Variants in ST18 observed in about 807,000 individuals in gnomAD.
ST18 encodes the protein ST18 C2H2C-type zinc finger transcription factor, also known as suppression of tumorigenicity 18 protein.
In ST18, 50 loss-of-function variants were observed where a neutral mutation model predicts 110.0. The ratio of observed to expected loss-of-function variants is 0.45; its 90% confidence interval spans 0.36 to 0.58. ST18 has a LOEUF of 0.58. Among genes scored for constraint, ST18 ranks in the 20% least tolerant of loss-of-function variants. ST18 has a pLI of 0.00. For synonymous variants in ST18, 461 were observed against 452.4 expected (o/e 1.02, Z -0.24); for missense variants, 1,306 against 1,280.1 (o/e 1.02, Z -0.31).
rs557273283 is a variant in ST18, at chr8:52,172,560, C to T, written c.301G>A (p.Asp101Asn). 2 of 1,584,378 alleles carry T rather than the reference C, an allele frequency of 1.3e-6. No homozygotes were observed. Among genetic ancestry groups the T allele is most frequent in the South Asian group, 2.4e-5 (2 of 84,972 alleles). ...TAEEIMIKPMDESLLSTAQEN... is the reference protein window; with the variant it reads ...TAEEIMIKPMNESLLSTAQEN... ...TGTGCAGTTGAAAGAAGACTTTCATCCATAGGTTTTATCATGATTTCCTCT... is the reference window on the plus strand; with the variant it reads ...TGTGCAGTTGAAAGAAGACTTTCATTCATAGGTTTTATCATGATTTCCTCT... The change falls in exon 10 of 26, where the codon GAT (aspartate) becomes AAT (asparagine). Residue 101 changes from aspartate (D) to asparagine (N), a missense_variant. Transcript: ENST00000689386.
intron 8 of ST18, among the ~76,000 whole-genome samples, chr8:52,182,185 A>T (rs978339058): frequency 1.3e-5 from 2 of 152,224 alleles, no homozygotes; most frequent in Non-Finnish European, 2.9e-5. Context: ...TTGAAGCATA[A>T]CATTGGTATT....
In ST18 at chr8:52,376,939, TA is replaced by T. The variant is rs1832635160; in HGVS notation, c.-465+32388del. Reference sequence around the variant, plus strand: ...CCTTATTAAGTACTTAAAATGCAGCTAAACTCTGTTCCCAACTAATTAAATG... The same window carrying T: ...CCTTATTAAGTACTTAAAATGCAGCTAACTCTGTTCCCAACTAATTAAATG... On this transcript the variant is annotated intron_variant, in intron 2 of 25. Transcript: ENST00000689386. 1.3e-5 allele frequency among the ~76,000 whole-genome samples: 2 copies of T among 152,214 alleles called. 1 individual carries two copies. Among genetic ancestry groups the T allele is most frequent in the South Asian group, 4.1e-4 (2 of 4,832 alleles).
At chr8:52,182,418 A>G (rs867550166) in intron 8 of ST18, among the ~76,000 whole-genome samples, 1 of 152,242 alleles carries the variant, frequency 6.6e-6, no homozygotes, top group Middle Eastern at 3.2e-3. Flanking sequence ...AATAATTGAC[A>G]AATTGATATG....
chr8:52,204,137 C>A (rs765568768), intron 8 of ST18, among the ~76,000 whole-genome samples: 4 of 152,134 alleles, frequency 2.6e-5, no homozygotes, highest in African/African-American at 9.7e-5. Context: ...GTGCATTTTG[C>A]CACACTACTG....
chr8:52,249,068 G>C lies in ST18; in HGVS notation c.-464-18991C>G, dbSNP rs141832440. Among the ~76,000 whole-genome samples the C allele has an allele frequency of 5.8e-3, 878 of 152,274 alleles. 5 individuals are homozygous for C. The highest frequency in any genetic ancestry group is 0.02 in the African/African-American group (834 of 41,548). ...ACCTGAACCAATAACCTGAATGGTA[G>C]TTATTGGCAAAAGCACCATTTCTCC... On this transcript the variant is annotated intron_variant, in intron 2 of 25. Coordinates refer to ENST00000689386, the MANE Select transcript of ST18 (RefSeq NM_001352837.2).
chr8:52,288,789 C>T (rs1205253593), intron 2 of ST18, among the ~76,000 whole-genome samples: 1 of 151,842 alleles, frequency 6.6e-6, no homozygotes, highest in Non-Finnish European at 1.5e-5. Context: ...TATTGACCCA[C>T]AAACATCAAA....
intron 2 of ST18, among the ~76,000 whole-genome samples, chr8:52,230,453 A>G (rs2090963617): frequency 6.6e-6 from 1 of 151,900 alleles, no homozygotes; most frequent in South Asian, 2.1e-4. Flanking sequence ...ACTAATTTCT[A>G]ATCAGATCCT....
chr8:52,295,277 G>C (rs190084304), intron 2 of ST18, among the ~76,000 whole-genome samples: 2 of 152,254 alleles, frequency 1.3e-5, no homozygotes, highest in East Asian at 3.9e-4. Flanking sequence ...AAGATAGAAG[G>C]CTCTTGAACC....
At chr8:52,203,815 C>T (rs976175305) in intron 8 of ST18, among the ~76,000 whole-genome samples, 2 of 152,080 alleles carry the variant, frequency 1.3e-5, no homozygotes, top group African/African-American at 2.4e-5. Flanking sequence ...GCCAACGACC[C>T]GTGCAGTGCT....
intron 3 of ST18, among the ~76,000 whole-genome samples, chr8:52,226,794 A>G (rs1353453023): frequency 6.6e-6 from 1 of 152,228 alleles, no homozygotes; most frequent in Non-Finnish European, 1.5e-5. Context: ...TGATTCACAA[A>G]TAAAGCTTTT....
chr8:52,216,745 G>A (rs1004793754), intron 6 of ST18, among the ~76,000 whole-genome samples: 1 of 152,170 alleles, frequency 6.6e-6, no homozygotes, highest in Non-Finnish European at 1.5e-5. Context: ...GATATTTTAA[G>A]TATTCTTCAT....
At chr8:52,283,091 A>G (rs1240946630) in intron 2 of ST18, among the ~76,000 whole-genome samples, 1 of 152,168 alleles carries the variant, frequency 6.6e-6, no homozygotes, top group East Asian at 1.9e-4. Flanking sequence ...AAGTGTTCGC[A>G]TTCTGGATGT....
intron 23 of ST18, among the ~76,000 whole-genome samples, chr8:52,119,611 C>T (rs1442945074): frequency 1.3e-5 from 2 of 152,072 alleles, no homozygotes; most frequent in Non-Finnish European, 2.9e-5. Context: ...AGGTACACAC[C>T]CAAAACAAAT....
At chr8:52,144,112 A>G (rs1023894553) in intron 16 of ST18, among the ~76,000 whole-genome samples, 4 of 152,128 alleles carry the variant, frequency 2.6e-5, no homozygotes, top group Non-Finnish European at 5.9e-5. Flanking sequence ...CTATCAAACA[A>G]TTTATTTACC....
chr8:52,144,586 T>C (rs774130032), intron 16 of ST18, among the ~76,000 whole-genome samples: 5 of 152,168 alleles, frequency 3.3e-5, no homozygotes, highest in Non-Finnish European at 4.4e-5. Context: ...TCAAGTGACA[T>C]TGTCTTCAGA....
intron 2 of ST18, among the ~76,000 whole-genome samples, chr8:52,270,951 C>T (rs1051402813): frequency 5.3e-5 from 8 of 151,498 alleles, no homozygotes; most frequent in Non-Finnish European, 1.0e-4. Context: ...GTCACCCAGG[C>T]TGGAGGGCAT....
chr8:52,314,165 C>T lies in ST18; in HGVS notation c.-464-84088G>A, dbSNP rs376452642. Among the ~76,000 whole-genome samples the T allele has an allele frequency of 1.3e-3, 201 of 152,306 alleles. 2 individuals carry two copies. The South Asian group carries it at 0.039, about 30-fold the overall frequency. On this transcript the variant is annotated intron_variant, in intron 2 of 25. Coordinates refer to ENST00000689386, the MANE Select transcript of ST18 (RefSeq NM_001352837.2). Reference sequence around the variant, plus strand: ...AGGCTCTCCTGCCCTGTCCCACTTGCTCGCCCTTTTGTCTTTCCTTGGCCT... The same window carrying T: ...AGGCTCTCCTGCCCTGTCCCACTTGTTCGCCCTTTTGTCTTTCCTTGGCCT...
At chr8:52,114,392 T>G (rs1586044011) in intron 25 of ST18, among the ~76,000 whole-genome samples, 1 of 152,170 alleles carries the variant, frequency 6.6e-6, no homozygotes, top group Admixed American at 6.6e-5. Context: ...ACAAGGGGAA[T>G]GCTACTCAGT....
intron 2 of ST18, among the ~76,000 whole-genome samples, chr8:52,373,480 C>T (rs1461169585): frequency 6.6e-6 from 1 of 152,024 alleles, no homozygotes; most frequent in Admixed American, 6.6e-5. Flanking sequence ...TTTCCTGAGC[C>T]CTCCCCTCCA....
Sources: allele counts gnomAD v4.1 joint callset (sites outside exome capture counted in the v4.1 genomes callset), GRCh38; gene constraint gnomAD v4.1.1; transcripts MANE v1.5; gene names NCBI Gene and HGNC (gene_info 2026-07-23, HGNC 2026-07-21).